Variants in TMEM71 observed in about 807,000 individuals in gnomAD.
TMEM71 encodes the protein transmembrane protein 71.
In TMEM71, 44 loss-of-function variants were observed where a neutral mutation model predicts 38.0. That is an observed-to-expected ratio of 1.16 (90% CI 0.91 to 1.49). The LOEUF (loss-of-function observed/expected upper bound fraction) is 1.49. Ranked by LOEUF, TMEM71 falls within the 40% of genes most tolerant of loss-of-function variation. The probability of loss-of-function intolerance (pLI) is 0.00; values close to 1 mark genes in which losing one functional copy is unlikely to be tolerated. For synonymous variants in TMEM71, 133 were observed against 122.5 expected, an observed-to-expected ratio of 1.09 and a Z score of -0.56; for missense variants, 367 against 348.6, an observed-to-expected ratio of 1.05 and a Z score of -0.42.
intron 6 of TMEM71, among the ~76,000 whole-genome samples, chr8:132,724,556 T>G (rs1232238684): frequency 6.6e-6 from 1 of 152,170 alleles, no homozygotes; most frequent in Non-Finnish European, 1.5e-5. Flanking sequence ...CTAAAATCGC[T>G]GTTATTCTGT....
the TMEM71 span, chr8:132,775,380 G>A: frequency 2.1e-4 from 77 of 367,958 alleles, no homozygotes; most frequent in East Asian, 3.1e-3. Flanking sequence ...GGGGCCCGGC[G>A]TCGCGTCAGG....
intron 5 of TMEM71, among the ~76,000 whole-genome samples, chr8:132,742,227 T>C (rs1306253253): frequency 2.0e-5 from 3 of 152,250 alleles, no homozygotes; most frequent in African/African-American, 7.2e-5. Context: ...ATATCTGGTA[T>C]AACTATTTTT....
chr8:132,732,567 C>T (rs1827517540), intron 5 of TMEM71, among the ~76,000 whole-genome samples: 1 of 152,006 alleles, frequency 6.6e-6, no homozygotes, highest in African/African-American at 2.4e-5. Flanking sequence ...GATTTAGAGT[C>T]ATTAAAAAAA....
chr8:132,719,855 C>A (rs1826744074), intron 7 of TMEM71, among the ~76,000 whole-genome samples: 1 of 152,118 alleles, frequency 6.6e-6, no homozygotes, highest in South Asian at 2.1e-4. Context: ...GATCTCAACT[C>A]TACACTTCAT....
At chr8:132,733,142 T>C (rs1236603022) in intron 5 of TMEM71, among the ~76,000 whole-genome samples, 1 of 152,222 alleles carries the variant, frequency 6.6e-6, no homozygotes, top group Non-Finnish European at 1.5e-5. Context: ...GACAATAGAA[T>C]ACATAATTTC....
chr8:132,765,464 G>A (rs1829352779), upstream of TMEM71, among the ~76,000 whole-genome samples: 1 of 152,162 alleles, frequency 6.6e-6, no homozygotes, highest in South Asian at 2.1e-4. Context: ...CCGGCAATGA[G>A]GGTAGAGTCT....
intron 6 of TMEM71, 73 bp from the exon 7 acceptor site, chr8:132,722,188 T>A: frequency 2.3e-5 from 25 of 1,108,594 alleles, no homozygotes; most frequent in Non-Finnish European, 3.2e-5. Flanking sequence ...AAAAATCATC[T>A]CAAACTTCCC....
chr8:132,760,282 G>A (rs1829257211), intron 1 of TMEM71, 194 bp downstream of exon 1: 2 of 152,126 alleles, frequency 1.3e-5, no homozygotes, highest in Non-Finnish European at 2.9e-5. Flanking sequence ...GAAAAATAAT[G>A]TGTGCATACG....
At chr8:132,740,834 A>G (rs563880298) in intron 5 of TMEM71, among the ~76,000 whole-genome samples, 1 of 152,312 alleles carries the variant, frequency 6.6e-6, no homozygotes, top group South Asian at 2.1e-4. Flanking sequence ...ATTCTTAAGC[A>G]TTTTTGAACA....
At chr8:132,732,003 C>T (rs1827485407) in intron 5 of TMEM71, among the ~76,000 whole-genome samples, 2 of 152,190 alleles carry the variant, frequency 1.3e-5, no homozygotes, top group African/African-American at 4.8e-5. Context: ...GAGGCAAAAG[C>T]TGCATGGATA....
chr8:132,766,498 T>TA, the TMEM71 span, among the ~76,000 whole-genome samples: 77 of 151,102 alleles, frequency 5.1e-4, no homozygotes, highest in African/African-American at 1.3e-3. Context: ...CTTTTTACTT[T>TA]AAAAAAAAAT....
chr8:132,751,098 A>G (rs1314386469), intron 4 of TMEM71, among the ~76,000 whole-genome samples: 1 of 152,152 alleles, frequency 6.6e-6, no homozygotes, highest in Non-Finnish European at 1.5e-5. Flanking sequence ...TAAATCTGAT[A>G]ATTTATCAAT....
At chr8:132,775,689 G>T in the TMEM71 span, 1 of 326,620 alleles carries the variant, frequency 3.1e-6, no homozygotes, top group Non-Finnish European at 5.5e-6. Flanking sequence ...CCTGGCCCCC[G>T]CCGGGCCGCC....
intron 5 of TMEM71, among the ~76,000 whole-genome samples, chr8:132,739,783 T>C (rs1004503300): frequency 4.6e-5 from 7 of 152,170 alleles, no homozygotes; most frequent in African/African-American, 7.2e-5. Context: ...AAAGACAAAA[T>C]GTGAAGTGCT....
intron 3 of TMEM71, among the ~76,000 whole-genome samples, chr8:132,754,585 T>A (rs1828903903): frequency 6.6e-6 from 1 of 152,226 alleles, no homozygotes; most frequent in African/African-American, 2.4e-5. Context: ...TAGATTTCTA[T>A]AAATATTTAA....
intron 5 of TMEM71, among the ~76,000 whole-genome samples, chr8:132,745,564 T>C (rs1016914253): frequency 2.0e-5 from 3 of 152,208 alleles, no homozygotes; most frequent in Admixed American, 6.5e-5. Context: ...GGAATGCTTA[T>C]ACATTGTTGG....
At chr8:132,716,289 GA>G (rs942051590) in intron 7 of TMEM71, among the ~76,000 whole-genome samples, 1 of 152,170 alleles carries the variant, frequency 6.6e-6, no homozygotes, top group Non-Finnish European at 1.5e-5. Flanking sequence ...GCAGTGACCA[GA>G]CCCCACATTT....
Position 132,754,351 on chromosome 8 carries a change from T to A in TMEM71, c.102-2354A>T, listed in dbSNP as rs570393535. Reference sequence around the variant, plus strand: ...GATTTCTAGTCTTTTTCCTGTATATTTAGATGTACCTTTCCTCTCTTAGAC... The same window carrying A: ...GATTTCTAGTCTTTTTCCTGTATATATAGATGTACCTTTCCTCTCTTAGAC... On this transcript the variant is annotated intron_variant, in intron 3 of 9. Coordinates refer to ENST00000677595, the MANE Select transcript of TMEM71 (RefSeq NM_001382403.1). Among the ~76,000 whole-genome samples the A allele has an allele frequency of 6.2e-4, 94 of 152,310 alleles. 1 individual carries two copies. The highest frequency in any genetic ancestry group is 2.2e-3 in the African/African-American group (91 of 41,572).
chr8:132,708,195 G>A (rs1826122507), downstream of TMEM71, among the ~76,000 whole-genome samples: 2 of 152,172 alleles, frequency 1.3e-5, no homozygotes, highest in Admixed American at 1.3e-4. Context: ...GAAGAGGATT[G>A]AGGCTGGCCA....
Sources: gnomAD v4.1 joint callset for allele counts (sites outside exome capture counted in the v4.1 genomes callset) on GRCh38, gnomAD v4.1.1 for gene constraint, MANE v1.5 for transcripts, NCBI Gene and HGNC (gene_info 2026-07-23, HGNC 2026-07-21) for gene names.